The following MTSS1 variants were observed in gnomAD, a reference collection of about 807,000 sequenced individuals.
MTSS1 encodes the protein protein MTSS 1.
MTSS1 carries 18 observed loss-of-function variants against 79.0 expected under a neutral mutation model. The ratio of observed to expected loss-of-function variants is 0.23; its 90% CI spans 0.16 to 0.34. The LOEUF (loss-of-function observed/expected upper bound fraction) is 0.34. MTSS1 is among the 10% of genes least tolerant of loss of function. The probability of loss-of-function intolerance (pLI) is 1.00; values close to 1 mark genes in which losing one functional copy is unlikely to be tolerated. For missense variants in MTSS1, 815 were observed against 986.2 expected (o/e 0.83, Z 2.33); for synonymous variants, 341 against 368.6 (o/e 0.93, Z 0.86).
At chr8:124,569,752 A>C (rs115322242) in intron 6 of MTSS1, among the ~76,000 whole-genome samples, 1,636 of 152,352 alleles carry the variant, frequency 0.011, 34 homozygotes, top group African/African-American at 0.038. Flanking sequence ...ACAAAATGTT[A>C]GAGCTGGAAG....
intron 1 of MTSS1, among the ~76,000 whole-genome samples, chr8:124,710,158 C>T (rs1205751404): frequency 3.3e-5 from 5 of 152,310 alleles, no homozygotes; most frequent in East Asian, 3.9e-4. Context: ...AGGACATGGG[C>T]GAAGTGGCCC....
intron 3 of MTSS1, among the ~76,000 whole-genome samples, chr8:124,616,228 C>T (rs2133406962): frequency 6.6e-6 from 1 of 152,304 alleles, no homozygotes; most frequent in Middle Eastern, 3.4e-3. Flanking sequence ...GATTCCACTG[C>T]AACAAACTGC....
intron 1 of MTSS1, among the ~76,000 whole-genome samples, chr8:124,720,825 T>G (rs1045395498): frequency 1.9e-4 from 29 of 152,206 alleles, no homozygotes; most frequent in Non-Finnish European, 3.5e-4. Flanking sequence ...CTTCTAACAT[T>G]TGAGTGGACG....
chr8:124,664,499 C>T (rs1467279483), intron 3 of MTSS1, among the ~76,000 whole-genome samples: 2 of 152,152 alleles, frequency 1.3e-5, no homozygotes, highest in Non-Finnish European at 2.9e-5. Flanking sequence ...TAGGAGCACA[C>T]AAGATTAGAA....
intron 3 of MTSS1, among the ~76,000 whole-genome samples, chr8:124,687,586 C>A (rs1245682633): frequency 6.6e-6 from 1 of 152,184 alleles, no homozygotes; most frequent in Non-Finnish European, 1.5e-5. Context: ...CTGGCACACG[C>A]AGAGAGCTCA....
chr8:124,693,874 G>A (rs1828360947), intron 3 of MTSS1, among the ~76,000 whole-genome samples: 1 of 152,178 alleles, frequency 6.6e-6, no homozygotes, highest in South Asian at 2.1e-4. Context: ...ACCAAGGCAA[G>A]ATTTTAAATC....
chr8:124,565,621 G>C (rs1466089370), intron 9 of MTSS1, 41 bp downstream of exon 9: 1 of 1,544,282 alleles, frequency 6.5e-7, no homozygotes, highest in Admixed American at 1.7e-5. Context: ...AAAGAAAAAT[G>C]ACCCGTCCTG....
intron 6 of MTSS1, among the ~76,000 whole-genome samples, chr8:124,583,383 A>T (rs1830365809): frequency 6.6e-6 from 1 of 152,188 alleles, no homozygotes; most frequent in Non-Finnish European, 1.5e-5. Context: ...ATTATCCTGC[A>T]GGCAGCCCGA....
At chr8:124,659,402 A>G (rs764475488) in intron 3 of MTSS1, among the ~76,000 whole-genome samples, 1 of 152,172 alleles carries the variant, frequency 6.6e-6, no homozygotes, top group African/African-American at 2.4e-5. Flanking sequence ...ATGTGTATAT[A>G]GGGTATGCCT....
At chr8:124,578,054 C>G (rs1829311481) in intron 6 of MTSS1, among the ~76,000 whole-genome samples, 1 of 152,104 alleles carries the variant, frequency 6.6e-6, no homozygotes, top group Admixed American at 6.5e-5. Flanking sequence ...AGGCTTTTTC[C>G]AAGAAAGGAA....
chr8:124,684,752 T>C (rs951115691), intron 3 of MTSS1, among the ~76,000 whole-genome samples: 2 of 152,190 alleles, frequency 1.3e-5, no homozygotes, highest in Admixed American at 6.5e-5. Flanking sequence ...GGTATGTCTA[T>C]GGAGATGCTG....
At chr8:124,614,163 CAA>C (rs3050528) in intron 3 of MTSS1, among the ~76,000 whole-genome samples, 7,098 of 92,304 alleles carry the variant, frequency 0.077, 376 homozygotes, top group African/African-American at 0.16. Context: ...ATACCTGCCT[CAA>C]AAAAAAAAAA....
chr8:124,557,652 G>A (rs1433620184), intron 11 of MTSS1, 29 bp downstream of exon 11: 22 of 1,536,620 alleles, frequency 1.4e-5, no homozygotes, highest in Non-Finnish European at 1.9e-5. Context: ...GGCAATGACG[G>A]GGAGAGGAGG....
intron 3 of MTSS1, among the ~76,000 whole-genome samples, chr8:124,665,668 G>A (rs1038118862): frequency 6.6e-6 from 1 of 152,118 alleles, no homozygotes; most frequent in Non-Finnish European, 1.5e-5. Context: ...GGGAGTTCGA[G>A]ACCATCCTGA....
chr8:124,715,080 G>T (rs947896311), intron 1 of MTSS1, among the ~76,000 whole-genome samples: 10 of 152,268 alleles, frequency 6.6e-5, no homozygotes, highest in Middle Eastern at 6.8e-3. Context: ...CCTTCTAAGC[G>T]TGACTTCACG....
At chr8:124,596,816 T>C (rs1832843583) in intron 3 of MTSS1, among the ~76,000 whole-genome samples, 1 of 152,158 alleles carries the variant, frequency 6.6e-6, no homozygotes, top group East Asian at 1.9e-4. Context: ...TCTGCCTCTG[T>C]TGTGCTAGGC....
Position 124,597,491 on chromosome 8 carries a change from G to A in MTSS1, c.209-6256C>T, listed in dbSNP as rs1444589360. Among the ~76,000 whole-genome samples, 1 of 152,222 alleles carries A rather than the reference G, an allele frequency of 6.6e-6. No homozygotes were observed. The highest frequency in any genetic ancestry group is 1.5e-5 in the Non-Finnish European group (1 of 68,040). On this transcript the variant is annotated intron_variant, in intron 3 of 13. Coordinates refer to ENST00000518547, the MANE Select transcript of MTSS1 (RefSeq NM_014751.6). This position sits in a 1 kb window ranked among gnomAD's most constrained non-coding sequence, Gnocchi z 4.6. The stretch of plus-strand genomic sequence containing the variant: ...AAAGTTTCCTTGCCCCCTAAAGTCC[G>A]AAGTCAGATTGCCCCTTGCTGCAGA...
At chr8:124,688,249 G>A (rs1016916612) in intron 3 of MTSS1, among the ~76,000 whole-genome samples, 12 of 151,688 alleles carry the variant, frequency 7.9e-5, no homozygotes, top group Non-Finnish European at 1.6e-4. Context: ...TATGTTGTGC[G>A]TGTGTGTGTG....
At chr8:124,587,535 G>A (rs1365083750) in intron 5 of MTSS1, among the ~76,000 whole-genome samples, 1 of 152,202 alleles carries the variant, frequency 6.6e-6, no homozygotes, top group African/African-American at 2.4e-5. Context: ...GTCTTGCTGT[G>A]TTGTCCAGGC....
Sources: gnomAD v4.1 joint callset for allele counts (sites outside exome capture counted in the v4.1 genomes callset) on GRCh38, gnomAD v4.1.1 for gene constraint, Gnocchi (gnomAD v3.1) non-coding constraint, MANE v1.5 for transcripts, NCBI Gene and HGNC (gene_info 2026-07-23, HGNC 2026-07-21) for gene names.